Variants in LRRC9 observed in about 807,000 individuals in gnomAD.
LRRC9 encodes leucine-rich repeat-containing protein 9.
LRRC9 carries 122 observed loss-of-function variants against 63.2 expected under a neutral mutation model. That is an observed-to-expected ratio of 1.93 (90% confidence interval 1.67 to 2.24). The LOEUF is 2.24. LRRC9 is among the 30% of genes most tolerant of loss of function. LRRC9 has a pLI of 0.00. For missense variants in LRRC9, 1,071 were observed against 627.7 expected (o/e 1.71, Z -7.55); for synonymous variants, 366 against 213.1 (o/e 1.72, Z -6.25).
exon 19 of LRRC9, chr14:59,999,206 G>T: frequency 1.4e-6 from 1 of 700,880 alleles, no homozygotes; most frequent in Non-Finnish European, 2.6e-6. Context: ...GAAATTTATT[G>T]CAGGAACAAG....
intron 31 of LRRC9, among the ~76,000 whole-genome samples, chr14:60,059,433 C>T (rs1306731729): frequency 1.3e-5 from 2 of 152,142 alleles, no homozygotes; most frequent in Non-Finnish European, 2.9e-5. Flanking sequence ...AATGATTAAG[C>T]TTAGTGAGGA....
intron 17 of LRRC9, among the ~76,000 whole-genome samples, chr14:59,988,387 C>A (rs751639690): frequency 1.3e-5 from 2 of 152,034 alleles, no homozygotes; most frequent in Non-Finnish European, 2.9e-5. Context: ...GTATAAATAA[C>A]CTTATGAATT....
chr14:59,929,500 T>A (rs1279161602), intron 3 of LRRC9, among the ~76,000 whole-genome samples: 2 of 151,870 alleles, frequency 1.3e-5, no homozygotes, highest in East Asian at 3.9e-4. Flanking sequence ...TAGTTCAACA[T>A]TGTGGAGAAC....
Position 59,922,066 on chromosome 14 carries a change from A to G in LRRC9, c.-34+2183A>G, listed in dbSNP as rs545980686. On this transcript the variant is annotated intron_variant, in intron 1 of 31. Coordinates refer to ENST00000445360, the Ensembl canonical transcript of LRRC9. The surrounding 1 kb of genome is among the most constrained non-coding windows in gnomAD (Gnocchi z 5.3). ...GCCACTGCAGTCAAGCCTGGGCAGC[A>G]AAGTGAGATTCTGTCTCAAAAAAAA... Among the ~76,000 whole-genome samples, 2 of 152,006 alleles carry G rather than the reference A, an allele frequency of 1.3e-5. No individual in the cohort carries two copies. The highest frequency in any genetic ancestry group is 1.3e-4 in the Admixed American group (2 of 15,256).
intron 23 of LRRC9, among the ~76,000 whole-genome samples, chr14:60,008,766 C>T (rs1890017136): frequency 1.3e-5 from 2 of 152,078 alleles, no homozygotes; most frequent in African/African-American, 4.8e-5. Flanking sequence ...AAATGCATGA[C>T]AAATGTGTAA....
In LRRC9 at chr14:59,966,462, T is replaced by C; in HGVS notation, c.1212-127T>C. ...TAAATAAACGGAGCCACTATATGAT[T>C]ACTGTATCTTTAGCAAAAGACACAA... is the stretch of plus-strand genomic sequence containing the variant. On this transcript the variant is annotated intron_variant, in intron 10 of 31. Coordinates refer to ENST00000445360, the Ensembl canonical transcript of LRRC9. The surrounding 1 kb of genome is among the most constrained non-coding windows in gnomAD (Gnocchi z 4.0). 2.2e-6 allele frequency: 1 copy of C among 454,474 alleles called. No individual in the cohort carries two copies. The highest frequency in any genetic ancestry group is 3.9e-6 in the Non-Finnish European group (1 of 256,350). 28.2% of individuals were successfully genotyped at this position (454,474 alleles called of 1,614,324 possible).
At position 60,004,679 on chromosome 14, in the gene LRRC9, T is replaced by G. The variant is rs1259010145; in HGVS notation, c.2842+881T>G. Among the ~76,000 whole-genome samples, 2 of 152,090 alleles carry G rather than the reference T, an allele frequency of 1.3e-5. No individual in the cohort carries two copies. Among genetic ancestry groups the G allele is most frequent in the Non-Finnish European group, 2.9e-5 (2 of 67,954 alleles). ...CTAGAATATATACTACTAAGTCAAGTATTTTCTGACTCCTCCCCAGCTTTA... is the reference window on the plus strand; with the variant it reads ...CTAGAATATATACTACTAAGTCAAGGATTTTCTGACTCCTCCCCAGCTTTA... On this transcript the variant is annotated intron_variant, in intron 21 of 31. Transcript: ENST00000445360. The surrounding 1 kb of genome is among the most constrained non-coding windows in gnomAD (Gnocchi z 4.8).
At chr14:59,972,118 T>C (rs537489258) in intron 12 of LRRC9, among the ~76,000 whole-genome samples, 2 of 152,248 alleles carry the variant, frequency 1.3e-5, no homozygotes, top group Admixed American at 1.3e-4. Context: ...TGTAGTCTAC[T>C]TGTGATTCTC....
exon 9 of LRRC9, chr14:59,959,915 G>A: frequency 1.4e-6 from 1 of 701,014 alleles, no homozygotes; most frequent in South Asian, 1.5e-5. Context: ...CTGAAGAGTT[G>A]TGAAACTGTC....
intron 10 of LRRC9, among the ~76,000 whole-genome samples, chr14:59,961,658 A>C (rs1884364941): frequency 6.6e-6 from 1 of 152,124 alleles, no homozygotes; most frequent in African/African-American, 2.4e-5. Context: ...ATGGAGAGAC[A>C]CCAGAATCAA....
At chr14:60,035,981 A>G (rs1335295218) in intron 29 of LRRC9, among the ~76,000 whole-genome samples, 1 of 152,168 alleles carries the variant, frequency 6.6e-6, no homozygotes, top group Non-Finnish European at 1.5e-5. Context: ...GTACAAGATC[A>G]AAATGCCAAC....
rs190451115 is a variant in LRRC9 at position 59,996,551 on chromosome 14, G to A, written c.2212-1105G>A. Reference sequence around the variant, plus strand: ...TTACAAACAAGTAAGATGAAGATATGAATAGATAAATAGCCAAAGACAAGA... The same window carrying A: ...TTACAAACAAGTAAGATGAAGATATAAATAGATAAATAGCCAAAGACAAGA... On this transcript the variant is annotated intron_variant, in intron 17 of 31. Coordinates refer to ENST00000445360, the Ensembl canonical transcript of LRRC9. Among the ~76,000 whole-genome samples, 309 of 151,970 alleles carry A rather than the reference G, an allele frequency of 2.0e-3. 2 individuals carry two copies. The highest frequency in any genetic ancestry group is 7.3e-3 in the African/African-American group (302 of 41,462).
At chr14:60,050,021 G>C (rs1173440652) in intron 29 of LRRC9, among the ~76,000 whole-genome samples, 1 of 151,238 alleles carries the variant, frequency 6.6e-6, no homozygotes, top group Admixed American at 6.6e-5. Context: ...ATTTGAGACA[G>C]AGTCTCACTC....
chr14:59,941,150 TATC>T (rs954742968), intron 7 of LRRC9, among the ~76,000 whole-genome samples: 1 of 151,788 alleles, frequency 6.6e-6, no homozygotes, highest in Admixed American at 6.6e-5. Context: ...AATAGTAAAA[TATC>T]ATAATTTTTG....
intron 14 of LRRC9, among the ~76,000 whole-genome samples, chr14:59,977,726 A>G (rs1886459935): frequency 6.6e-6 from 1 of 152,012 alleles, no homozygotes; most frequent in African/African-American, 2.4e-5. Flanking sequence ...GGAAAAGGAT[A>G]TGAATAAAAT....
At position 60,042,338 on chromosome 14, in the gene LRRC9, G is replaced by T. The variant is rs542437540; in HGVS notation, c.3990+10275G>T. ...GCTGCCTGTTGTTCAGCTATGCCCT[G>T]CCCCCAGAGGTGGAGTCTACAGAGG... On this transcript the variant is annotated intron_variant, in intron 29 of 31. Coordinates refer to ENST00000445360, the Ensembl canonical transcript of LRRC9. This position sits in a 1 kb window ranked among gnomAD's most constrained non-coding sequence, Gnocchi z 4.2. Among the ~76,000 whole-genome samples the T allele has an allele frequency of 2.6e-4, 40 of 152,332 alleles. No individual in the cohort carries two copies. The highest frequency in any genetic ancestry group is 1.7e-3 in the East Asian group (9 of 5,180).
intron 12 of LRRC9, chr14:59,968,970 T>C (rs1045616608): frequency 2.0e-5 from 2 of 97,672 alleles, no homozygotes; most frequent in Admixed American, 1.1e-4. Context: ...AGACTGAGTA[T>C]GGAAAAAAAA....
chr14:60,040,499 C>T (rs184293097), intron 29 of LRRC9, among the ~76,000 whole-genome samples: 1 of 151,992 alleles, frequency 6.6e-6, no homozygotes, highest in East Asian at 1.9e-4. Flanking sequence ...GAATTGATCC[C>T]TTTACCATTA....
Position 59,938,557 on chromosome 14 carries a change from C to A in LRRC9, c.711C>A (p.Ile237=). The stretch of plus-strand genomic sequence containing the variant: ...CATTGGATGTGTCAGCAAAGCAAAT[C>A]AAGGAACTGGCAGATGTAAGTACAT... The change falls in exon 7 of 32, where the codon ATC becomes ATA. Residue 237 remains isoleucine, a synonymous_variant. Coordinates refer to ENST00000445360, the Ensembl canonical transcript of LRRC9. The surrounding 1 kb of genome is among the most constrained non-coding windows in gnomAD (Gnocchi z 4.2). 1 of 692,192 alleles carries A rather than the reference C, an allele frequency of 1.4e-6. No homozygotes were observed. The highest frequency in any genetic ancestry group is 2.6e-6 in the Non-Finnish European group (1 of 380,482). The allele number at this position is 692,192 out of a possible 1,614,324, so 42.9% of individuals were successfully genotyped here. A position where few individuals can be genotyped will look rare whatever the true frequency, so the allele number is the denominator to read the frequency against.
Sources: gnomAD v4.1 joint callset for allele counts (sites outside exome capture counted in the v4.1 genomes callset) on GRCh38, gnomAD v4.1.1 for gene constraint, Gnocchi (gnomAD v3.1) non-coding constraint, MANE v1.5 for transcripts, NCBI Gene and HGNC (gene_info 2026-07-23, HGNC 2026-07-21) for gene names.